Variants in MAT2B observed in about 807,000 individuals in gnomAD.
The protein encoded by MAT2B is methionine adenosyltransferase 2 non-catalytic beta subunit, also known as methionine adenosyltransferase 2 subunit beta.
A neutral mutation model predicts 36.1 loss-of-function variants in MAT2B; 16 were observed. That is an observed-to-expected ratio of 0.44 (90% CI 0.30 to 0.67). The LOEUF is 0.67. Among genes scored for constraint, MAT2B ranks in the 30% least tolerant of loss-of-function variants. The pLI is 0.09. For synonymous variants in MAT2B, 148 were observed against 136.9 expected (o/e 1.08, Z -0.57); for missense variants, 332 against 398.2 (o/e 0.83, Z 1.42).
upstream of MAT2B, among the ~76,000 whole-genome samples, chr5:163,504,058 G>A (rs1161731089): frequency 1.3e-5 from 2 of 152,210 alleles, no homozygotes; most frequent in Admixed American, 1.3e-4. Flanking sequence ...AATTGCATAT[G>A]CTTGCCCTTA....
intron 1 of MAT2B, among the ~76,000 whole-genome samples, chr5:163,510,019 T>A (rs989684380): frequency 2.6e-5 from 4 of 151,670 alleles, no homozygotes; most frequent in Non-Finnish European, 4.4e-5. Flanking sequence ...TGGTGTCTTT[T>A]AAAAAAAAAT....
In MAT2B at chr5:163,505,656, C is replaced by T. The variant is rs1759918622; in HGVS notation, c.-31C>T. The stretch of plus-strand genomic sequence containing the variant: ...GATCCTGGGTTGGAGGAGGTGGCGG[C>T]CGCTGAGGCTGCGGCGTGAAGACGG... On this transcript the variant is annotated 5_prime_UTR_variant, in exon 1 of 7. Transcript: ENST00000321757. The T allele has an allele frequency of 4.7e-6, 6 of 1,266,812 alleles. No individual in the cohort carries two copies. In the African/African-American group the frequency reaches 6.1e-5, roughly 13 times the overall value. 78.5% of individuals were successfully genotyped at this position (1,266,812 alleles called of 1,614,324 possible). A position where few individuals can be genotyped will look rare whatever the true frequency, so the allele number is the denominator to read the frequency against.
chr5:163,507,225 C>T (rs1301162762), intron 1 of MAT2B, among the ~76,000 whole-genome samples: 2 of 152,178 alleles, frequency 1.3e-5, no homozygotes, highest in Admixed American at 6.5e-5. Context: ...CTTTACTTTT[C>T]TAGAACATTT....
Position 163,518,229 on chromosome 5 carries a change from A to G in MAT2B, c.871A>G (p.Arg291Gly). The G allele has an allele frequency of 6.2e-7, 1 of 1,612,732 alleles. No homozygotes were observed. The highest frequency in any genetic ancestry group is 8.5e-7 in the Non-Finnish European group (1 of 1,179,586). Residue 291 changes from arginine to glycine, a missense_variant, in exon 7 of 7, where the codon AGA becomes GGA. Arg to Gly is a moderately radical substitution (Grantham distance 125, BLOSUM62 -2). Transcript: ENST00000321757. ...DSPVLGAQRPRNAQLDCSKLE... is the reference protein window; with the variant it reads ...DSPVLGAQRPGNAQLDCSKLE... ...CCCTGTCCTAGGAGCACAACGTCCG[A>G]GAAATGCTCAGCTTGACTGCTCCAA...
upstream of MAT2B, chr5:163,503,350 C>T (rs1396410922): frequency 3.1e-6 from 5 of 1,599,340 alleles, no homozygotes; most frequent in African/African-American, 1.3e-5. Flanking sequence ...AAGGCAGAGG[C>T]TAAGACCCAT....
At chr5:163,511,077 A>G (rs1581213521) in intron 1 of MAT2B, among the ~76,000 whole-genome samples, 1 of 152,296 alleles carries the variant, frequency 6.6e-6, no homozygotes, top group African/African-American at 2.4e-5. Flanking sequence ...TGAAGAATGT[A>G]ATGTTGTTAT....
chr5:163,516,090 T>C (rs1218091563), intron 4 of MAT2B, among the ~76,000 whole-genome samples: 1 of 152,162 alleles, frequency 6.6e-6, no homozygotes, highest in Non-Finnish European at 1.5e-5. Flanking sequence ...TTGCCCAGGC[T>C]GGAGTACAGT....
chr5:163,517,259 A>C (rs1387659756), intron 5 of MAT2B: 2 of 210,172 alleles, frequency 9.5e-6, no homozygotes, highest in East Asian at 2.1e-4. Flanking sequence ...AATACTCATT[A>C]AATTGTACTG....
chr5:163,514,656 C>T (rs949477270), intron 4 of MAT2B, among the ~76,000 whole-genome samples: 1 of 152,042 alleles, frequency 6.6e-6, no homozygotes, highest in African/African-American at 2.4e-5. Flanking sequence ...CACATGGAAC[C>T]TACTCTGGGA....
Position 163,512,201 on chromosome 5 carries a change from G to C in MAT2B, c.258+5G>C. 6.2e-7 allele frequency: 1 copy of C among 1,608,712 alleles called. No individual in the cohort carries two copies. On this transcript the variant is annotated splice_donor_5th_base_variant and intron_variant, in intron 2 of 6. Transcript: ENST00000321757. ...CACATCATTCATGATTTTCAGGTAT[G>C]ATTTAGGTTATTTTAAGATATACAT... is the stretch of plus-strand genomic sequence containing the variant.
intron 1 of MAT2B, among the ~76,000 whole-genome samples, chr5:163,506,771 G>A (rs1032657396): frequency 1.3e-5 from 2 of 151,044 alleles, no homozygotes; most frequent in African/African-American, 4.9e-5. Context: ...GTATGTGTAC[G>A]TGTGCATATA....
chr5:163,513,373 A>G, intron 2 of MAT2B, 182 bp from the exon 3 acceptor site: 1 of 517,016 alleles, frequency 1.9e-6, no homozygotes, highest in Non-Finnish European at 3.5e-6. Context: ...AAATATTTTA[A>G]GTTTGAACCT....
In MAT2B at chr5:163,519,077, A is replaced by G. The variant is rs780785559; in HGVS notation, c.*714A>G. 27 of 152,364 alleles carry G rather than the reference A, an allele frequency of 1.8e-4. No homozygotes were observed. Among genetic ancestry groups the G allele is most frequent in the Non-Finnish European group, 3.4e-4 (23 of 68,012 alleles). The allele number at this position is 152,364 out of a possible 1,614,324, so 9.4% of individuals were successfully genotyped here. A position where few individuals can be genotyped will look rare whatever the true frequency, so the allele number is the denominator to read the frequency against. On this transcript the variant is annotated 3_prime_UTR_variant, in exon 7 of 7. Coordinates refer to ENST00000321757, the MANE Select transcript of MAT2B (RefSeq NM_013283.5). ...TAAGTGATATTTCATATGTGTGGTT[A>G]TACTCATAATAATGGGCCTTGTAAG...
chr5:163,511,293 G>T (rs1034905023), intron 1 of MAT2B, among the ~76,000 whole-genome samples: 5 of 151,520 alleles, frequency 3.3e-5, no homozygotes, highest in African/African-American at 1.2e-4. Context: ...TTGAAACAGG[G>T]TCTCACTCTG....
intron 2 of MAT2B, chr5:163,512,551 G>T: frequency 5.3e-6 from 2 of 378,484 alleles, no homozygotes; most frequent in Non-Finnish European, 1.0e-5. Context: ...GAGGTTTTCG[G>T]TATCATTGAT....
At chr5:163,517,858 A>G (rs758830912) in intron 6 of MAT2B, 184 bp downstream of exon 6, 32 of 516,722 alleles carry the variant, frequency 6.2e-5, no homozygotes, top group Admixed American at 9.8e-5. Context: ...GTTTGTAGAA[A>G]ATGTATTATT....
chr5:163,511,865 A>G (rs1037843042), intron 1 of MAT2B, 137 bp from the exon 2 acceptor site: 2 of 669,794 alleles, frequency 3.0e-6, no homozygotes, highest in African/African-American at 3.6e-5. Flanking sequence ...ACTTAACTTT[A>G]GAATTGGCTT....
At chr5:163,511,640 CTTTA>C (rs532776919) in intron 1 of MAT2B, among the ~76,000 whole-genome samples, 153 of 151,796 alleles carry the variant, frequency 1.0e-3, no homozygotes, top group Admixed American at 1.4e-3. Flanking sequence ...ATTGTTCTAA[CTTTA>C]TTTATTACAT....
rs866416477 is a variant in MAT2B at position 163,517,553 on chromosome 5, G to A, written c.721-8G>A. On this transcript the variant is annotated splice_polypyrimidine_tract_variant and splice_region_variant and intron_variant, in intron 5 of 6. Transcript: ENST00000321757. ...AAACTATTGAATTTATTGTGTCATC[G>A]TTCTTAGGATCCATCAATTAAGGGA... 27 of 1,518,944 alleles carry A rather than the reference G, an allele frequency of 1.8e-5. No homozygotes were observed. The highest frequency in any genetic ancestry group is 2.7e-5 in the African/African-American group (2 of 72,972). The allele number at this position is 1,518,944 out of a possible 1,614,324, so 94.1% of individuals were successfully genotyped here.
Sources: allele counts gnomAD v4.1 joint callset (sites outside exome capture counted in the v4.1 genomes callset), GRCh38; gene constraint gnomAD v4.1.1; transcripts MANE v1.5; gene names NCBI Gene and HGNC (gene_info 2026-07-23, HGNC 2026-07-21).